The following CDH17 variants were observed in gnomAD, a reference collection of about 807,000 sequenced individuals.
CDH17 encodes the protein cadherin-17.
A neutral mutation model predicts 86.3 loss-of-function variants in CDH17; 67 were observed. That is an observed-to-expected ratio of 0.78 (90% confidence interval 0.64 to 0.95). The LOEUF is 0.95. Ranked by LOEUF, CDH17 falls within the 40% of genes least tolerant of loss-of-function variation. The pLI, the probability that CDH17 is intolerant of heterozygous loss-of-function variation, is 0.00. For missense variants in CDH17, 993 were observed against 1,017.6 expected, an observed-to-expected ratio of 0.98 and a Z score of 0.33; for synonymous variants, 367 against 366.4, an observed-to-expected ratio of 1.00 and a Z score of -0.02.
At chr8:94,179,663 C>T (rs1461801398) in intron 3 of CDH17, among the ~76,000 whole-genome samples, 4 of 152,200 alleles carry the variant, frequency 2.6e-5, no homozygotes, top group Non-Finnish European at 5.9e-5. Flanking sequence ...GCACACAGTG[C>T]CCCTTGGTAA....
intron 1 of CDH17, among the ~76,000 whole-genome samples, chr8:94,196,781 G>A (rs933994628): frequency 2.6e-5 from 4 of 152,132 alleles, no homozygotes; most frequent in Non-Finnish European, 4.4e-5. Flanking sequence ...CCAGCAGCTC[G>A]GCCAATAGGA....
At chr8:94,148,636 C>T in intron 14 of CDH17, 108 bp downstream of exon 14, 2 of 623,156 alleles carry the variant, frequency 3.2e-6, no homozygotes, top group South Asian at 2.6e-5. Context: ...TTGTGATATT[C>T]TGGTGTTTTG....
intron 1 of CDH17, among the ~76,000 whole-genome samples, chr8:94,213,832 A>G (rs1586039128): frequency 6.6e-6 from 1 of 151,840 alleles, no homozygotes; most frequent in Admixed American, 6.6e-5. Flanking sequence ...ATTTCCCTTT[A>G]CCCCGGCTTC....
At chr8:94,143,322 A>G (rs2262592) in intron 15 of CDH17, among the ~76,000 whole-genome samples, 14,624 of 152,248 alleles carry the variant, frequency 0.096, 789 homozygotes, top group Middle Eastern at 0.16. Context: ...GTGGCCTTAA[A>G]GTATTCAGTA....
chr8:94,172,522 A>G (rs1385522055), intron 7 of CDH17, among the ~76,000 whole-genome samples: 2 of 152,158 alleles, frequency 1.3e-5, no homozygotes, highest in Non-Finnish European at 2.9e-5. Context: ...CTACTTTTAC[A>G]GATACTGTCT....
chr8:94,145,126 T>C (rs1169727858), intron 15 of CDH17, among the ~76,000 whole-genome samples: 1 of 152,178 alleles, frequency 6.6e-6, no homozygotes, highest in East Asian at 1.9e-4. Flanking sequence ...ATAACTCCCA[T>C]ATGACCCAGC....
intron 14 of CDH17, among the ~76,000 whole-genome samples, chr8:94,148,324 C>T (rs1051925653): frequency 6.6e-6 from 1 of 152,036 alleles, no homozygotes; most frequent in South Asian, 2.1e-4. Flanking sequence ...GGCAGATCAC[C>T]TGAGGTCGGA....
chr8:94,173,140 T>C (rs902466779), intron 7 of CDH17, among the ~76,000 whole-genome samples: 2 of 152,108 alleles, frequency 1.3e-5, no homozygotes, highest in African/African-American at 2.4e-5. Flanking sequence ...CTGTCTACTT[T>C]TAAGGTGAGG....
chr8:94,177,565 C>A, intron 4 of CDH17, 22 bp downstream of exon 4: 1 of 1,613,030 alleles, frequency 6.2e-7, no homozygotes, highest in South Asian at 1.1e-5. Flanking sequence ...GAGTTAGATC[C>A]CTTCAGCTGG....
intron 12 of CDH17, among the ~76,000 whole-genome samples, chr8:94,156,666 G>A (rs926155125): frequency 1.3e-5 from 2 of 152,186 alleles, no homozygotes; most frequent in African/African-American, 2.4e-5. Context: ...GCAGTCCTCA[G>A]TATGCACCAT....
At chr8:94,139,666 G>C (rs966348039) in intron 15 of CDH17, among the ~76,000 whole-genome samples, 19 of 152,174 alleles carry the variant, frequency 1.2e-4, no homozygotes, top group Non-Finnish European at 2.6e-4. Flanking sequence ...ACTTTGGGAG[G>C]CTGGGGCAGG....
At chr8:94,200,467 A>G (rs1813883521) in intron 1 of CDH17, among the ~76,000 whole-genome samples, 1 of 149,882 alleles carries the variant, frequency 6.7e-6, no homozygotes, top group African/African-American at 2.5e-5. Flanking sequence ...GACAGTTACT[A>G]CAGCAATTAT....
In CDH17 at chr8:94,152,129, G is replaced by C. The variant is rs762773027; in HGVS notation, c.1552-17C>G. On this transcript the variant is annotated splice_polypyrimidine_tract_variant and intron_variant, in intron 12 of 17. Transcript: ENST00000027335. Reference sequence around the variant, plus strand: ...ATCAAGAGGCTGTGTAGGAGAAAGAGAGAAAATTAATTTTGGGGTGATTAG... The same window carrying C: ...ATCAAGAGGCTGTGTAGGAGAAAGACAGAAAATTAATTTTGGGGTGATTAG... The C allele has an allele frequency of 5.0e-6, 8 of 1,611,322 alleles. No homozygotes were observed. In the South Asian group the frequency reaches 5.5e-5, roughly 11 times the overall value.
chr8:94,141,055 A>G (rs890054178), intron 15 of CDH17, among the ~76,000 whole-genome samples: 2 of 152,176 alleles, frequency 1.3e-5, no homozygotes, highest in Non-Finnish European at 2.9e-5. Flanking sequence ...TCCCTCATGA[A>G]TATAGATGCA....
chr8:94,129,199 A>G (rs1309016717), intron 17 of CDH17, among the ~76,000 whole-genome samples: 1 of 152,208 alleles, frequency 6.6e-6, no homozygotes, highest in Non-Finnish European at 1.5e-5. Context: ...GAAAATTGCT[A>G]TCTGATTTGT....
Position 94,165,907 on chromosome 8 carries a change from T to C in CDH17, c.1136A>G (p.Tyr379Cys), listed in dbSNP as rs374750313. The C allele has an allele frequency of 1.9e-5, 31 of 1,613,932 alleles. No homozygotes were observed. In the African/African-American group the frequency reaches 2.5e-4, roughly 13 times the overall value. ...TTTGGGAGTTTGCTCCACAATCCTG[T>C]AGTTTAGAAAACTGTTGGCAGTATT... ...EENTANSFLN[Y>C]RIVEQTPKLP... Residue 379 changes from tyrosine (Y) to cysteine (C), a missense_variant, in exon 10 of 18, where the codon TAC becomes TGC. Transcript: ENST00000027335.
At chr8:94,131,103 A>T (rs1363152255) in intron 15 of CDH17, 111 bp from the exon 16 acceptor site, 4 of 673,556 alleles carry the variant, frequency 5.9e-6, no homozygotes, top group Non-Finnish European at 8.0e-6. Context: ...GCTAGATATG[A>T]GTTAAACTGC....
intron 3 of CDH17, 104 bp from the exon 4 acceptor site, chr8:94,177,825 A>G (rs981770902): frequency 1.9e-6 from 2 of 1,060,420 alleles, no homozygotes; most frequent in Non-Finnish European, 2.7e-6. Context: ...TGGTTCAATT[A>G]CTAAATAAGA....
intron 1 of CDH17, among the ~76,000 whole-genome samples, chr8:94,216,162 T>C (rs538221144): frequency 1.2e-4 from 18 of 151,642 alleles, no homozygotes; most frequent in Admixed American, 2.0e-4. Flanking sequence ...CCTTTAGTTT[T>C]CCCACTCAGG....
Sources: allele counts gnomAD v4.1 joint callset (sites outside exome capture counted in the v4.1 genomes callset), GRCh38; gene constraint gnomAD v4.1.1; transcripts MANE v1.5; gene names NCBI Gene and HGNC (gene_info 2026-07-23, HGNC 2026-07-21).